DOCK10: variants seen among roughly 807,000 people sequenced by gnomAD.
The protein encoded by DOCK10 is dedicator of cytokinesis 10, also known as dedicator of cytokinesis protein 10.
Under a neutral mutation model 280.1 loss-of-function variants are expected in DOCK10, and 145 were observed. That is an observed-to-expected ratio of 0.52 (90% CI 0.45 to 0.59). The LOEUF (loss-of-function observed/expected upper bound fraction) is 0.59, where lower values mean the gene tolerates loss of function less well. Among genes scored for constraint, DOCK10 ranks in the 20% least tolerant of loss-of-function variants. The probability of loss-of-function intolerance (pLI) is 0.00; values close to 1 mark genes in which losing one functional copy is unlikely to be tolerated. For missense variants in DOCK10, 2,368 were observed against 2,651.7 expected, an observed-to-expected ratio of 0.89 and a Z score of 2.35; for synonymous variants, 915 against 942.2, an observed-to-expected ratio of 0.97 and a Z score of 0.53.
At chr2:224,863,157 T>A (rs1265347972) in intron 13 of DOCK10, among the ~76,000 whole-genome samples, 1 of 152,242 alleles carries the variant, frequency 6.6e-6, no homozygotes, top group Non-Finnish European at 1.5e-5. Flanking sequence ...ATGGGTTTCA[T>A]GGGCCATATA....
chr2:224,820,066 A>T (rs764675039), intron 28 of DOCK10, among the ~76,000 whole-genome samples: 3 of 152,156 alleles, frequency 2.0e-5, no homozygotes, highest in Non-Finnish European at 4.4e-5. Context: ...CATAATGAGG[A>T]GTGGTAGAGA....
chr2:224,830,552 T>C lies in DOCK10; in HGVS notation c.3025A>G (p.Asn1009Asp). 1 of 1,498,258 alleles carries C rather than the reference T, an allele frequency of 6.7e-7. No individual in the cohort carries two copies. Among genetic ancestry groups the C allele is most frequent in the Non-Finnish European group, 9.0e-7 (1 of 1,110,462 alleles). The allele number at this position is 1,498,258 out of a possible 1,614,324, so 92.8% of individuals were successfully genotyped here. A position where few individuals can be genotyped will look rare whatever the true frequency, so the allele number is the denominator to read the frequency against. The change falls in exon 27 of 56, where the codon AAT becomes GAT. Residue 1009 changes from asparagine (N) to aspartate (D), a missense_variant. By Grantham distance (23) the Asn-to-Asp change is conservative. Transcript: ENST00000258390. ...KSMAQHLIDT[N>D]KIQLPRPQRF... is the part of the protein sequence containing the mutation. The stretch of plus-strand genomic sequence containing the variant: ...ACTTATGTTCTTACCTGGATTTTAT[T>C]TGTGTCAATCAAGTGCTGTGCCATC...
At position 224,816,616 on chromosome 2, in the gene DOCK10, C is replaced by A; in HGVS notation, c.3364+1G>T. On this transcript the variant is annotated splice_donor_variant, in intron 30 of 55. Coordinates refer to ENST00000258390, the MANE Select transcript of DOCK10 (RefSeq NM_014689.3). LOFTEE classifies it high-confidence loss of function. ...GAGGAAAATTCTGGGAATTTTATTA[C>A]CTGGAATGTTTGCTGATCTTATGGG... The A allele has an allele frequency of 6.3e-7, 1 of 1,575,278 alleles. No individual in the cohort carries two copies.
chr2:224,801,885 C>T (rs768739058), intron 40 of DOCK10, 31 bp downstream of exon 40: 3 of 1,607,954 alleles, frequency 1.9e-6, no homozygotes, highest in African/African-American at 1.3e-5. Flanking sequence ...AACTGGTAAC[C>T]ATCTTGTTCC....
intron 1 of DOCK10, among the ~76,000 whole-genome samples, chr2:225,008,403 T>C (rs751731143): frequency 6.6e-6 from 1 of 152,206 alleles, no homozygotes; most frequent in Non-Finnish European, 1.5e-5. Flanking sequence ...ATCAACACTT[T>C]ATGCTGACTT....
intron 7 of DOCK10, among the ~76,000 whole-genome samples, chr2:224,879,288 G>A (rs145320455): frequency 6.6e-6 from 1 of 152,228 alleles, no homozygotes; most frequent in African/African-American, 2.4e-5. Context: ...TGTCCTCCAC[G>A]TGTCCTCACA....
chr2:225,032,192 G>A (rs1457576049), intron 1 of DOCK10, among the ~76,000 whole-genome samples: 1 of 152,120 alleles, frequency 6.6e-6, no homozygotes, highest in African/African-American at 2.4e-5. Flanking sequence ...AGGTCTTGGT[G>A]TCCAACTCTC....
Position 224,775,134 on chromosome 2 carries a change from G to A in DOCK10, c.5803-19C>T. On this transcript the variant is annotated intron_variant, in intron 51 of 55. Transcript: ENST00000258390. ...GGTTTACCTGTGTTAACAGATTATGGGCAAAGTGAGTGGTGTGCCCTGGAG... is the reference window on the plus strand; with the variant it reads ...GGTTTACCTGTGTTAACAGATTATGAGCAAAGTGAGTGGTGTGCCCTGGAG... The A allele has an allele frequency of 6.2e-7, 1 of 1,611,160 alleles. No homozygotes were observed. The highest frequency in any genetic ancestry group is 8.5e-7 in the Non-Finnish European group (1 of 1,177,464).
At chr2:224,874,196 G>T (rs762300858) in intron 10 of DOCK10, 45 bp from the exon 11 acceptor site, 34 of 1,573,718 alleles carry the variant, frequency 2.2e-5, no homozygotes, top group Admixed American at 7.7e-5. Flanking sequence ...ACATAAAAAA[G>T]AAATTCTAAA....
chr2:224,833,478 G>A (rs1212847711), intron 26 of DOCK10, among the ~76,000 whole-genome samples: 2 of 135,032 alleles, frequency 1.5e-5, no homozygotes, highest in East Asian at 2.0e-4. Context: ...CACCCTCTTC[G>A]CCTTCAAATT....
chr2:224,959,187 A>T (rs1161222727), intron 1 of DOCK10, among the ~76,000 whole-genome samples: 5 of 152,168 alleles, frequency 3.3e-5, no homozygotes, highest in Non-Finnish European at 7.3e-5. Flanking sequence ...TTTTAGGCAG[A>T]GTGCATCTCA....
intron 1 of DOCK10, among the ~76,000 whole-genome samples, chr2:225,005,710 G>C (rs557292881): frequency 1.3e-5 from 2 of 152,314 alleles, no homozygotes; most frequent in South Asian, 4.1e-4. Context: ...CTAAGCCCAA[G>C]CCCACTCGGT....
chr2:224,967,990 A>G (rs1171808217), intron 1 of DOCK10, among the ~76,000 whole-genome samples: 1 of 152,210 alleles, frequency 6.6e-6, no homozygotes, highest in Non-Finnish European at 1.5e-5. Flanking sequence ...GTTTTCTGAT[A>G]CTTATTCATT....
chr2:224,857,613 A>C (rs1272800978), intron 14 of DOCK10, among the ~76,000 whole-genome samples: 1 of 152,230 alleles, frequency 6.6e-6, no homozygotes, highest in Non-Finnish European at 1.5e-5. Flanking sequence ...AGTTAGGCTT[A>C]GTTGAAACAC....
At chr2:224,787,637 C>A (rs1430618093) in intron 48 of DOCK10, among the ~76,000 whole-genome samples, 3 of 152,198 alleles carry the variant, frequency 2.0e-5, no homozygotes, top group Non-Finnish European at 4.4e-5. Flanking sequence ...TCTCCTTCTT[C>A]CCATTCCCAC....
At chr2:224,943,238 T>G (rs1703193633) in intron 1 of DOCK10, among the ~76,000 whole-genome samples, 1 of 152,186 alleles carries the variant, frequency 6.6e-6, no homozygotes, top group Admixed American at 6.5e-5. Context: ...GTATGTTGTT[T>G]GTGATAAGTG....
At chr2:224,792,562 C>T (rs925673892) in intron 47 of DOCK10, among the ~76,000 whole-genome samples, 3 of 152,166 alleles carry the variant, frequency 2.0e-5, no homozygotes, top group Middle Eastern at 3.2e-3. Flanking sequence ...GGATTACAGG[C>T]GTGAGCCACC....
chr2:224,872,984 A>T (rs1698383184), intron 11 of DOCK10, among the ~76,000 whole-genome samples: 1 of 152,228 alleles, frequency 6.6e-6, no homozygotes, highest in African/African-American at 2.4e-5. Flanking sequence ...TGCTCATAAA[A>T]AGTTCCCTTC....
intron 27 of DOCK10, among the ~76,000 whole-genome samples, chr2:224,828,825 G>C (rs1559504782): frequency 1.3e-5 from 2 of 152,136 alleles, no homozygotes. Context: ...GGAACTCCTA[G>C]GGACAAAACA....
Sources: allele counts gnomAD v4.1 joint callset (sites outside exome capture counted in the v4.1 genomes callset), GRCh38; gene constraint gnomAD v4.1.1; transcripts MANE v1.5; gene names NCBI Gene and HGNC (gene_info 2026-07-23, HGNC 2026-07-21).